The following SBSPON variants were observed in gnomAD, a reference collection of about 807,000 sequenced individuals.
SBSPON encodes the protein somatomedin B and thrombospondin type 1 domain containing, also known as somatomedin-B and thrombospondin type-1 domain-containing protein.
Under a neutral mutation model 35.8 loss-of-function variants are expected in SBSPON, and 30 were observed. The observed-to-expected ratio is 0.84, with a 90% CI of 0.63 to 1.14. The LOEUF (loss-of-function observed/expected upper bound fraction) is 1.14, where lower values mean the gene tolerates loss of function less well. Ranked by LOEUF, SBSPON falls within the 50% of genes most tolerant of loss-of-function variation. The probability of loss-of-function intolerance (pLI) is 0.00; values close to 1 mark genes in which losing one functional copy is unlikely to be tolerated. For synonymous variants in SBSPON, 136 were observed against 135.9 expected (o/e 1.00, Z 0.00); for missense variants, 364 against 357.7 (o/e 1.02, Z -0.14).
intron 2 of SBSPON, among the ~76,000 whole-genome samples, chr8:73,078,590 C>A (rs1810638787): frequency 6.6e-6 from 1 of 152,168 alleles, no homozygotes; most frequent in Non-Finnish European, 1.5e-5. Flanking sequence ...AGCAGTCAGG[C>A]ATGGCACAGG....
chr8:73,086,645 G>T (rs562874835), intron 1 of SBSPON, among the ~76,000 whole-genome samples: 25 of 124,820 alleles, frequency 2.0e-4, no homozygotes, highest in South Asian at 1.7e-3. Context: ...CCCCAAAGGG[G>T]TTTTTTTTCC....
chr8:73,072,207 A>G (rs1360000360), intron 2 of SBSPON, among the ~76,000 whole-genome samples: 1 of 152,140 alleles, frequency 6.6e-6, no homozygotes, highest in Admixed American at 6.5e-5. Context: ...AATAGAGAGC[A>G]TGAAGAGAAG....
Position 73,083,215 on chromosome 8 carries a change from C to T in SBSPON, c.215-2002G>A, listed in dbSNP as rs1187168191. 2.0e-5 allele frequency among the ~76,000 whole-genome samples: 3 copies of T among 152,128 alleles called. No homozygotes were observed. The East Asian group carries it at 5.8e-4, about 29-fold the overall frequency. ...GTTGCTCCTATTCGTTAAAGTTTGT[C>T]CTTAGCAAAACACTATATCCTGTTT... On this transcript the variant is annotated intron_variant, in intron 1 of 4. Coordinates refer to ENST00000297354, the MANE Select transcript of SBSPON (RefSeq NM_153225.4).
chr8:73,089,365 C>T (rs987397468), intron 1 of SBSPON, among the ~76,000 whole-genome samples: 7 of 152,062 alleles, frequency 4.6e-5, no homozygotes, highest in Non-Finnish European at 8.8e-5. Context: ...ACCAGCCTGG[C>T]CAACATGGTG....
chr8:73,079,435 T>C (rs564833679), intron 2 of SBSPON, among the ~76,000 whole-genome samples: 2 of 152,278 alleles, frequency 1.3e-5, no homozygotes, highest in East Asian at 3.9e-4. Context: ...AACTTCGCTG[T>C]GCTACTGCCT....
At chr8:73,084,749 GAC>G (rs57178636) in intron 1 of SBSPON, among the ~76,000 whole-genome samples, 18,359 of 134,106 alleles carry the variant, frequency 0.14, 1,371 homozygotes, top group East Asian at 0.39. Flanking sequence ...CCACTACACA[GAC>G]ACACACACAC....
At chr8:73,085,093 A>G (rs1810798609) in intron 1 of SBSPON, among the ~76,000 whole-genome samples, 1 of 152,184 alleles carries the variant, frequency 6.6e-6, no homozygotes, top group Non-Finnish European at 1.5e-5. Flanking sequence ...CCAGCAAAGG[A>G]AGGAAGTGGG....
chr8:73,093,166 G>A lies in SBSPON; in HGVS notation c.-99C>T. 2 of 502,684 alleles carry A rather than the reference G, an allele frequency of 4.0e-6. No individual in the cohort carries two copies. Among genetic ancestry groups the A allele is most frequent in the South Asian group, 9.2e-5 (1 of 10,916 alleles). The allele number at this position is 502,684 out of a possible 1,614,324, so 31.1% of individuals were successfully genotyped here. Reference sequence around the variant, plus strand: ...CCCGGGAGCTGCCCGAGCGGCCGGCGAGGCACAGCCGGGCCCTGCCCTGCG... The same window carrying A: ...CCCGGGAGCTGCCCGAGCGGCCGGCAAGGCACAGCCGGGCCCTGCCCTGCG... On this transcript the variant is annotated 5_prime_UTR_variant, in exon 1 of 5. Transcript: ENST00000297354.
intron 2 of SBSPON, among the ~76,000 whole-genome samples, chr8:73,072,359 CAG>C (rs774237724): frequency 3.9e-5 from 6 of 151,908 alleles, no homozygotes; most frequent in Non-Finnish European, 5.9e-5. Context: ...AACAGACAAA[CAG>C]AGAAAAAAAT....
chr8:73,073,781 G>C (rs1810540755), intron 2 of SBSPON, among the ~76,000 whole-genome samples: 1 of 149,996 alleles, frequency 6.7e-6, no homozygotes, highest in Non-Finnish European at 1.5e-5. Flanking sequence ...TGCAGCCTGG[G>C]CAACAGAGTA....
intron 1 of SBSPON, among the ~76,000 whole-genome samples, chr8:73,089,314 G>A (rs1810890429): frequency 6.6e-6 from 1 of 152,184 alleles, no homozygotes; most frequent in South Asian, 2.1e-4. Flanking sequence ...AACACTTTGG[G>A]AGGCCAAGGC....
At chr8:73,091,006 G>A (rs771512530) in intron 1 of SBSPON, among the ~76,000 whole-genome samples, 17 of 152,334 alleles carry the variant, frequency 1.1e-4, no homozygotes, top group Non-Finnish European at 2.1e-4. Context: ...GGTCTCACTA[G>A]AAAGCAAGTT....
At chr8:73,074,836 A>G (rs1236511912) in intron 2 of SBSPON, among the ~76,000 whole-genome samples, 1 of 152,216 alleles carries the variant, frequency 6.6e-6, no homozygotes, top group Non-Finnish European at 1.5e-5. Context: ...GGCCCCTGGT[A>G]TGTGTATAGC....
In SBSPON at chr8:73,067,394, G is replaced by GA; in HGVS notation, c.741dup (p.Arg248SerfsTer43). 3 of 1,611,746 alleles carry GA rather than the reference G, an allele frequency of 1.9e-6. No homozygotes were observed. Among genetic ancestry groups the GA allele is most frequent in the Non-Finnish European group, 2.5e-6 (3 of 1,178,686 alleles). On this transcript the variant is annotated frameshift_variant, in exon 5 of 5. Coordinates refer to ENST00000297354, the MANE Select transcript of SBSPON (RefSeq NM_153225.4). LOFTEE classifies it high-confidence loss of function. ...GGACAAGAACACTGGTCTACTCGCC[G>GA]AACTTTTTTCCAAGTTCCTTGACAC...
At position 73,064,917 on chromosome 8, in the gene SBSPON, T is replaced by C. The variant is rs943578979; in HGVS notation, c.*2424A>G. 4 of 152,168 alleles carry C rather than the reference T, an allele frequency of 2.6e-5. No homozygotes were observed. In the East Asian group the frequency reaches 7.7e-4, roughly 29 times the overall value. The allele number at this position is 152,168 out of a possible 1,614,324, so 9.4% of individuals were successfully genotyped here. On this transcript the variant is annotated 3_prime_UTR_variant, in exon 5 of 5. Coordinates refer to ENST00000297354, the MANE Select transcript of SBSPON (RefSeq NM_153225.4). ...GGGATTTTAGAGTTCGTAAATCTTT[T>C]TAGAGTGCCTGGGGATAGGGCCCTA...
intron 1 of SBSPON, among the ~76,000 whole-genome samples, chr8:73,084,577 C>T (rs188289246): frequency 6.6e-6 from 1 of 152,260 alleles, no homozygotes; most frequent in African/African-American, 2.4e-5. Context: ...ACACACCAAG[C>T]TCTTTCCCAC....
At chr8:73,081,708 A>G (rs1474024957) in intron 1 of SBSPON, among the ~76,000 whole-genome samples, 1 of 152,176 alleles carries the variant, frequency 6.6e-6, no homozygotes, top group Non-Finnish European at 1.5e-5. Context: ...ACTCAGGTCA[A>G]TTCTTCTCAG....
chr8:73,092,862 G>C lies in SBSPON; in HGVS notation c.206C>G (p.Ala69Gly). ...TGDCCFDYDRACPARPCFVGE... is the reference protein window; with the variant it reads ...TGDCCFDYDRGCPARPCFVGE... ...TCGGCCTGACCACCCACCTGGGCAC[G>C]CCCTGTCGTAGTCGAAGCAGCAGTC... is the stretch of plus-strand genomic sequence containing the variant. The change falls in exon 1 of 5, where the codon GCG (alanine) becomes GGG (glycine). Residue 69 changes from alanine (A) to glycine (G), a missense_variant. Physicochemically the swap from Ala to Gly is moderately conservative, Grantham distance 60. Coordinates refer to ENST00000297354, the MANE Select transcript of SBSPON (RefSeq NM_153225.4). 1 of 1,610,350 alleles carries C rather than the reference G, an allele frequency of 6.2e-7. No homozygotes were observed. The highest frequency in any genetic ancestry group is 8.5e-7 in the Non-Finnish European group (1 of 1,178,706).
At chr8:73,091,685 G>C (rs1810938208) in intron 1 of SBSPON, among the ~76,000 whole-genome samples, 1 of 152,166 alleles carries the variant, frequency 6.6e-6, no homozygotes, top group Admixed American at 6.5e-5. Flanking sequence ...GCCAGAAAGG[G>C]AAAGAAGCTT....
Sources: allele counts gnomAD v4.1 joint callset (sites outside exome capture counted in the v4.1 genomes callset), GRCh38; gene constraint gnomAD v4.1.1; transcripts MANE v1.5; gene names NCBI Gene and HGNC (gene_info 2026-07-23, HGNC 2026-07-21).